TSHZ2: variants seen among roughly 807,000 people sequenced by gnomAD.
The protein encoded by TSHZ2 is teashirt zinc finger homeobox 2.
Under a neutral mutation model 74.4 loss-of-function variants are expected in TSHZ2, and 21 were observed. The observed-to-expected ratio is 0.28, with a 90% confidence interval of 0.20 to 0.41. The LOEUF (loss-of-function observed/expected upper bound fraction) is 0.41. TSHZ2 is among the 10% of genes least tolerant of loss of function. TSHZ2 has a pLI of 1.00. For missense variants in TSHZ2, 1,244 were observed against 1,293.5 expected (o/e 0.96, Z 0.59); for synonymous variants, 540 against 515.3 (o/e 1.05, Z -0.65).
Position 53,491,043 on chromosome 20 carries a change from G to T in TSHZ2, c.*3908G>T. 1 of 143,384 alleles carries T rather than the reference G, an allele frequency of 7.0e-6. No individual in the cohort carries two copies. The highest frequency in any genetic ancestry group is 2.6e-5 in the African/African-American group (1 of 37,868). 8.9% of individuals were successfully genotyped at this position (143,384 alleles called of 1,614,324 possible). ...TTTTTCATTGAGTTTCATTTTTTAA[G>T]CTTGTTAAATGCTTTTGTTTAAAAA... is the stretch of plus-strand genomic sequence containing the variant. On this transcript the variant is annotated 3_prime_UTR_variant, in exon 3 of 3. Transcript: ENST00000371497.
intron 1 of TSHZ2, among the ~76,000 whole-genome samples, chr20:52,980,079 C>A (rs1284859242): frequency 6.6e-6 from 1 of 152,190 alleles, no homozygotes; most frequent in Non-Finnish European, 1.5e-5. Flanking sequence ...AGATGTAAGA[C>A]ACTATATTAC....
chr20:53,349,785 T>C (rs1980578159), intron 2 of TSHZ2, among the ~76,000 whole-genome samples: 1 of 152,230 alleles, frequency 6.6e-6, no homozygotes. Flanking sequence ...TTCATTCTTA[T>C]ATTCTTATTA....
At chr20:53,392,941 C>G (rs1405801892) in intron 2 of TSHZ2, among the ~76,000 whole-genome samples, 1 of 152,184 alleles carries the variant, frequency 6.6e-6, no homozygotes, top group Non-Finnish European at 1.5e-5. Flanking sequence ...TCAAGCAATT[C>G]CCCTGCCTCA....
intron 1 of TSHZ2, among the ~76,000 whole-genome samples, chr20:53,237,374 G>C (rs1168889145): frequency 1.3e-5 from 2 of 152,116 alleles, no homozygotes; most frequent in Non-Finnish European, 2.9e-5. Context: ...TCAAACCAAA[G>C]AAAGGAGAAT....
intron 2 of TSHZ2, among the ~76,000 whole-genome samples, chr20:53,457,349 GCT>G (rs1387306306): frequency 0.034 from 3,969 of 117,558 alleles, 308 homozygotes; most frequent in African/African-American, 0.14. Context: ...TCATGATTTG[GCT>G]CTCTGTTTGT....
chr20:53,085,697 A>G (rs1466043997), intron 1 of TSHZ2, among the ~76,000 whole-genome samples: 1 of 152,194 alleles, frequency 6.6e-6, no homozygotes, highest in East Asian at 1.9e-4. Context: ...CCCAGGATAA[A>G]TTACAAAGTT....
chr20:53,390,976 T>G (rs1170732489), intron 2 of TSHZ2, among the ~76,000 whole-genome samples: 1 of 152,230 alleles, frequency 6.6e-6, no homozygotes, highest in Non-Finnish European at 1.5e-5. Flanking sequence ...TGATGCAATG[T>G]GAAGCAGCCA....
At chr20:53,466,069 A>G (rs1600662840) in intron 2 of TSHZ2, among the ~76,000 whole-genome samples, 1 of 152,080 alleles carries the variant, frequency 6.6e-6, no homozygotes, top group South Asian at 2.1e-4. Context: ...CAAGATGGTG[A>G]AACCCCGTCT....
At chr20:53,143,518 C>T (rs2123421488) in intron 1 of TSHZ2, among the ~76,000 whole-genome samples, 1 of 152,158 alleles carries the variant, frequency 6.6e-6, no homozygotes, top group Non-Finnish European at 1.5e-5. Context: ...ACAGTGAAAC[C>T]CCGTCTCTAC....
At chr20:53,108,672 ATAATCCATCCTTGGTTT>A (rs1395716957) in intron 1 of TSHZ2, among the ~76,000 whole-genome samples, 1 of 152,206 alleles carries the variant, frequency 6.6e-6, no homozygotes, top group African/African-American at 2.4e-5. Context: ...AAGAGATGAA[ATAATCCATCCTTGGTTT>A]ATTTCTAGAT....
intron 2 of TSHZ2, among the ~76,000 whole-genome samples, chr20:53,443,863 C>T (rs1489145750): frequency 6.6e-6 from 1 of 152,158 alleles, no homozygotes; most frequent in Non-Finnish European, 1.5e-5. Flanking sequence ...AGAAGTCTCT[C>T]CACCAATGGT....
chr20:53,105,613 C>CT (rs945494415), intron 1 of TSHZ2, among the ~76,000 whole-genome samples: 5 of 151,860 alleles, frequency 3.3e-5, no homozygotes, highest in African/African-American at 1.2e-4. Flanking sequence ...AGTTCTCTCT[C>CT]TTTTTTTAAG....
intron 2 of TSHZ2, among the ~76,000 whole-genome samples, chr20:53,456,246 T>G (rs1410822990): frequency 6.6e-6 from 1 of 150,508 alleles, no homozygotes; most frequent in Admixed American, 6.6e-5. Context: ...TTTTAATGAT[T>G]GCCATTCTAA....
At position 53,013,838 on chromosome 20, in the gene TSHZ2, CATTT is replaced by C. The variant is rs148484589; in HGVS notation, c.40+40513_40+40516del. Among the ~76,000 whole-genome samples, 680 of 152,326 alleles carry C rather than the reference CATTT, an allele frequency of 4.5e-3. 4 individuals are homozygous for C. Among genetic ancestry groups the C allele is most frequent in the South Asian group, 0.013 (63 of 4,824 alleles). On this transcript the variant is annotated intron_variant, in intron 1 of 2. Coordinates refer to ENST00000371497, the MANE Select transcript of TSHZ2 (RefSeq NM_173485.6). ...ATCTTCTTTCCTTTGCATTCAGGCT[CATTT>C]ATTTATTCTTTCAAATGATATTTAT...
At chr20:53,314,005 A>G (rs1162250389) in intron 2 of TSHZ2, among the ~76,000 whole-genome samples, 1 of 152,160 alleles carries the variant, frequency 6.6e-6, no homozygotes, top group Non-Finnish European at 1.5e-5. Flanking sequence ...TGACCACTCG[A>G]TAAATTGAAA....
At chr20:53,162,388 C>T (rs1987962352) in intron 1 of TSHZ2, among the ~76,000 whole-genome samples, 1 of 152,180 alleles carries the variant, frequency 6.6e-6, no homozygotes, top group South Asian at 2.1e-4. Context: ...GACAAAAGAT[C>T]AAACACAAGC....
chr20:53,341,242 C>G (rs1980189972), intron 2 of TSHZ2, among the ~76,000 whole-genome samples: 1 of 152,192 alleles, frequency 6.6e-6, no homozygotes, highest in Non-Finnish European at 1.5e-5. Context: ...CCTCCGATCG[C>G]CAGCCTTCCA....
chr20:53,285,380 T>C (rs1991145105), intron 2 of TSHZ2, among the ~76,000 whole-genome samples: 1 of 152,088 alleles, frequency 6.6e-6, no homozygotes, highest in Non-Finnish European at 1.5e-5. Flanking sequence ...TTCAGAACTT[T>C]ATGAAATTTT....
intron 1 of TSHZ2, chr20:53,178,699 A>G (rs1020415299): frequency 6.6e-6 from 1 of 152,224 alleles, no homozygotes; most frequent in African/African-American, 2.4e-5. Flanking sequence ...GGAAATAGTC[A>G]TCACCAGGAT....
Sources: allele counts gnomAD v4.1 joint callset (sites outside exome capture counted in the v4.1 genomes callset), GRCh38; gene constraint gnomAD v4.1.1; transcripts MANE v1.5; gene names NCBI Gene and HGNC (gene_info 2026-07-23, HGNC 2026-07-21).